The following ELF2 variants were observed in gnomAD, a reference collection of about 807,000 sequenced individuals.
The protein encoded by ELF2 is E74 like ETS transcription factor 2.
In ELF2, 11 loss-of-function variants were observed where a neutral mutation model predicts 54.8. The observed-to-expected ratio is 0.20, with a 90% CI of 0.13 to 0.33. The LOEUF is 0.33. Ranked by LOEUF, ELF2 falls within the 10% of genes least tolerant of loss-of-function variation. The pLI, the probability that ELF2 is intolerant of heterozygous loss-of-function variation, is 1.00. For missense variants in ELF2, 513 were observed against 703.0 expected (o/e 0.73, Z 3.06); for synonymous variants, 203 against 245.1 (o/e 0.83, Z 1.61).
intron 5 of ELF2, 150 bp downstream of exon 5, chr4:139,073,304 A>G (rs960155390): frequency 2.0e-5 from 9 of 441,482 alleles, no homozygotes; most frequent in African/African-American, 1.8e-4. Flanking sequence ...GCCTTGACAA[A>G]TAAAGTTCAA....
At chr4:139,115,293 C>T (rs1735551125) in intron 4 of ELF2, 7 of 1,592,652 alleles carry the variant, frequency 4.4e-6, no homozygotes, top group African/African-American at 4.0e-5. Flanking sequence ...TGAAAGTAGA[C>T]GCGTGGTCCT....
At chr4:139,164,410 T>C (rs1578973961) in intron 1 of ELF2, among the ~76,000 whole-genome samples, 1 of 151,864 alleles carries the variant, frequency 6.6e-6, no homozygotes. Context: ...CGGAGGCGGG[T>C]GGATCACCTG....
At chr4:139,112,135 T>C (rs963533449) in intron 4 of ELF2, among the ~76,000 whole-genome samples, 1 of 151,990 alleles carries the variant, frequency 6.6e-6, no homozygotes, top group Non-Finnish European at 1.5e-5. Flanking sequence ...CTCTTACACC[T>C]CATTTTAATC....
chr4:139,147,941 C>T (rs1739414109), intron 1 of ELF2, among the ~76,000 whole-genome samples: 1 of 151,810 alleles, frequency 6.6e-6, no homozygotes, highest in Admixed American at 6.6e-5. Context: ...CATGCGCCAC[C>T]AGGCCCAGCT....
chr4:139,141,403 A>G (rs1010587837), intron 1 of ELF2, among the ~76,000 whole-genome samples: 7 of 152,154 alleles, frequency 4.6e-5, no homozygotes, highest in Admixed American at 3.9e-4. Context: ...TCATATGCAC[A>G]CATATATAAA....
At chr4:139,076,246 G>A (rs1023791030) in intron 4 of ELF2, among the ~76,000 whole-genome samples, 3 of 152,184 alleles carry the variant, frequency 2.0e-5, no homozygotes, top group Non-Finnish European at 4.4e-5. Flanking sequence ...GTTCCAGAGA[G>A]GCAGCCAAAC....
chr4:139,102,736 G>A (rs556361463), intron 4 of ELF2, among the ~76,000 whole-genome samples: 12 of 151,686 alleles, frequency 7.9e-5, no homozygotes. Flanking sequence ...AGCTACTCGG[G>A]AGGCTGAGGC....
intron 3 of ELF2, 140 bp from the exon 4 acceptor site, chr4:139,125,469 A>G (rs1232778685): frequency 2.1e-6 from 2 of 956,832 alleles, no homozygotes; most frequent in South Asian, 2.2e-5. Flanking sequence ...AAAAGCCAAA[A>G]CAAGAGATGA....
intron 7 of ELF2, 137 bp downstream of exon 7, chr4:139,067,547 A>T (rs994387175): frequency 2.5e-6 from 2 of 805,284 alleles, no homozygotes; most frequent in Admixed American, 2.5e-5. Flanking sequence ...ATGCTGATAC[A>T]TCCCTTATTA....
At chr4:139,079,962 A>AT (rs1730867662) in intron 4 of ELF2, among the ~76,000 whole-genome samples, 1 of 152,238 alleles carries the variant, frequency 6.6e-6, no homozygotes, top group East Asian at 1.9e-4. Flanking sequence ...GTAAAACAGT[A>AT]TTTGTCTACT....
rs749402855 is a variant in ELF2 at position 139,073,431 on chromosome 4, A to AT, written c.352+22dup. ...TATGAAGTAGTATGACACGTTTAAC[A>AT]TAAGAATGAACAGTTTACATACCAG... On this transcript the variant is annotated intron_variant, in intron 5 of 9. Transcript: ENST00000686138. 6 of 1,522,620 alleles carry AT rather than the reference A, an allele frequency of 3.9e-6. No homozygotes were observed. The African/African-American group carries it at 8.3e-5, about 21-fold the overall frequency. The allele number at this position is 1,522,620 out of a possible 1,614,324, so 94.3% of individuals were successfully genotyped here.
rs562510552 is a variant in ELF2 at position 139,094,216 on chromosome 4, C to T, written c.239-20649G>A. Among the ~76,000 whole-genome samples the T allele has an allele frequency of 2.1e-4, 32 of 151,980 alleles. No individual in the cohort carries two copies. The South Asian group carries it at 5.4e-3, about 26-fold the overall frequency. Reference sequence around the variant, plus strand: ...GCCCGGCAACTAACATCTTAAGAAACGAAAAAGAAATAAGATAACTGGAAA... The same window carrying T: ...GCCCGGCAACTAACATCTTAAGAAATGAAAAAGAAATAAGATAACTGGAAA... On this transcript the variant is annotated intron_variant, in intron 4 of 9. Coordinates refer to ENST00000686138, the MANE Select transcript of ELF2 (RefSeq NM_001331036.3).
At chr4:139,151,057 A>G (rs796758445) in intron 1 of ELF2, among the ~76,000 whole-genome samples, 3 of 106,724 alleles carry the variant, frequency 2.8e-5, no homozygotes, top group African/African-American at 8.9e-5. Flanking sequence ...AGAAAGAAAG[A>G]AAGAAAGAAA....
intron 1 of ELF2, among the ~76,000 whole-genome samples, chr4:139,162,188 A>T (rs1337914926): frequency 6.6e-6 from 1 of 150,942 alleles, no homozygotes; most frequent in Non-Finnish European, 1.5e-5. Context: ...AATAAGAGCA[A>T]AACTCTGTCT....
chr4:139,148,249 G>C (rs1262542063), intron 1 of ELF2, among the ~76,000 whole-genome samples: 5 of 149,614 alleles, frequency 3.3e-5, no homozygotes, highest in African/African-American at 1.2e-4. Flanking sequence ...CTGGGCTCAA[G>C]TGATCCTCCT....
intron 4 of ELF2, chr4:139,084,176 C>G: frequency 6.2e-7 from 1 of 1,613,528 alleles, no homozygotes; most frequent in Non-Finnish European, 8.5e-7. Context: ...GTCCCTCATG[C>G]AGAGACGTCG....
chr4:139,084,429 CA>C (rs1457721066), intron 4 of ELF2: 2 of 1,214,436 alleles, frequency 1.6e-6, no homozygotes, highest in African/African-American at 1.6e-5. Context: ...GCAGGGGCGG[CA>C]GGGGCAGGGG....
intron 4 of ELF2, among the ~76,000 whole-genome samples, chr4:139,085,095 C>CA (rs937353350): frequency 4.6e-5 from 7 of 151,600 alleles, no homozygotes; most frequent in East Asian, 3.8e-4. Flanking sequence ...TCATTTACTT[C>CA]AAAAAAAAGT....
At chr4:139,165,658 G>A (rs984002327) in intron 1 of ELF2, among the ~76,000 whole-genome samples, 11 of 151,958 alleles carry the variant, frequency 7.2e-5, no homozygotes, top group Non-Finnish European at 1.5e-4. Flanking sequence ...GCAACACTCC[G>A]TCTTAAAAAA....
Sources: allele counts gnomAD v4.1 joint callset (sites outside exome capture counted in the v4.1 genomes callset), GRCh38; gene constraint gnomAD v4.1.1; transcripts MANE v1.5; gene names NCBI Gene and HGNC (gene_info 2026-07-23, HGNC 2026-07-21).